KCTD8: variants seen among roughly 807,000 people sequenced by gnomAD.
The protein encoded by KCTD8 is potassium channel tetramerization domain containing 8, also known as BTB/POZ domain-containing protein KCTD8.
In KCTD8, 27 loss-of-function variants were observed where a neutral mutation model predicts 31.5. The observed-to-expected ratio is 0.86, with a 90% CI of 0.63 to 1.18. The LOEUF is 1.18. Among genes scored for constraint, KCTD8 ranks in the 50% most tolerant of loss-of-function variants. The pLI, the probability that KCTD8 is intolerant of heterozygous loss-of-function variation, is 0.00. For synonymous variants in KCTD8, 290 were observed against 280.0 expected (o/e 1.04, Z -0.36); for missense variants, 658 against 647.7 (o/e 1.02, Z -0.17).
At chr4:44,318,135 T>C (rs1718192337) in intron 1 of KCTD8, among the ~76,000 whole-genome samples, 1 of 152,234 alleles carries the variant, frequency 6.6e-6, no homozygotes, top group South Asian at 2.1e-4. Flanking sequence ...TACTATGTAG[T>C]CTGCTTTCTA....
At chr4:44,241,767 C>T (rs899537131) in intron 1 of KCTD8, among the ~76,000 whole-genome samples, 10 of 152,126 alleles carry the variant, frequency 6.6e-5, no homozygotes, top group African/African-American at 2.2e-4. Flanking sequence ...AACCAGATCC[C>T]TAGTAAAATG....
At chr4:44,411,217 T>C (rs1326166965) in intron 1 of KCTD8, among the ~76,000 whole-genome samples, 1 of 151,978 alleles carries the variant, frequency 6.6e-6, no homozygotes, top group Non-Finnish European at 1.5e-5. Flanking sequence ...TGCCCATCTC[T>C]ACAAAAAGTA....
At position 44,432,224 on chromosome 4, in the gene KCTD8, T is replaced by TA. The variant is rs971855657; in HGVS notation, c.961+15338dup. 1.3e-4 allele frequency among the ~76,000 whole-genome samples: 20 copies of TA among 151,286 alleles called. No individual in the cohort carries two copies. In the East Asian group the frequency reaches 2.1e-3, roughly 16 times the overall value. ...TAAAAAGCTGCAACTAAAAGATTTG[T>TA]AAAAAAAATTATTTATATCCAGTAT... On this transcript the variant is annotated intron_variant, in intron 1 of 1. Transcript: ENST00000360029.
intron 1 of KCTD8, among the ~76,000 whole-genome samples, chr4:44,290,423 C>G (rs1310870231): frequency 6.6e-6 from 1 of 152,004 alleles, no homozygotes; most frequent in African/African-American, 2.4e-5. Flanking sequence ...AGAAAGCTAA[C>G]AAGTTTTTGA....
intron 1 of KCTD8, among the ~76,000 whole-genome samples, chr4:44,379,707 T>C (rs554772342): frequency 6.6e-6 from 1 of 152,234 alleles, no homozygotes; most frequent in Non-Finnish European, 1.5e-5. Flanking sequence ...TTAATTTGAT[T>C]GAAACACCAT....
intron 1 of KCTD8, among the ~76,000 whole-genome samples, chr4:44,238,385 G>A (rs1441253631): frequency 3.3e-5 from 5 of 152,072 alleles, no homozygotes; most frequent in Admixed American, 6.6e-5. Context: ...GGATGGGATT[G>A]TTTGTTTAAT....
chr4:44,398,551 G>T (rs1720567585), intron 1 of KCTD8, among the ~76,000 whole-genome samples: 2 of 152,156 alleles, frequency 1.3e-5, no homozygotes, highest in Admixed American at 6.5e-5. Flanking sequence ...GATACTAGAA[G>T]GGTTTTCACT....
intron 1 of KCTD8, among the ~76,000 whole-genome samples, chr4:44,409,380 C>T (rs1720898089): frequency 6.6e-6 from 1 of 151,994 alleles, no homozygotes; most frequent in African/African-American, 2.4e-5. Context: ...ACATTTTACA[C>T]TGTATAAATC....
At chr4:44,296,370 T>G (rs1370579124) in intron 1 of KCTD8, among the ~76,000 whole-genome samples, 2 of 152,112 alleles carry the variant, frequency 1.3e-5, no homozygotes, top group East Asian at 3.9e-4. Flanking sequence ...GTAATTGGCC[T>G]TGGAAATGAC....
chr4:44,354,076 C>T (rs1719282984), intron 1 of KCTD8, among the ~76,000 whole-genome samples: 2 of 152,088 alleles, frequency 1.3e-5, no homozygotes, highest in South Asian at 4.1e-4. Flanking sequence ...ATTCTTATTA[C>T]CATACTTCTA....
At chr4:44,447,010 A>G (rs1721958506) in intron 1 of KCTD8, among the ~76,000 whole-genome samples, 1 of 152,082 alleles carries the variant, frequency 6.6e-6, no homozygotes, top group Non-Finnish European at 1.5e-5. Context: ...GGGCACCTTT[A>G]TCGCTTCTCC....
chr4:44,273,047 C>T lies in KCTD8; in HGVS notation c.962-97797G>A, dbSNP rs879402694. On this transcript the variant is annotated intron_variant, in intron 1 of 1. Coordinates refer to ENST00000360029, the MANE Select transcript of KCTD8 (RefSeq NM_198353.3). ...TTGACTTGAAGAGTTAGATAACTAA[C>T]AAGATTGGAAAATGGAAGAATAAAA... Among the ~76,000 whole-genome samples the T allele has an allele frequency of 7.9e-5, 12 of 151,822 alleles. No homozygotes were observed. The East Asian group carries it at 1.7e-3, about 22-fold the overall frequency.
At chr4:44,411,848 G>T (rs186626727) in intron 1 of KCTD8, among the ~76,000 whole-genome samples, 171 of 152,192 alleles carry the variant, frequency 1.1e-3, no homozygotes, top group African/African-American at 4.0e-3. Context: ...CTAGGAAGAG[G>T]CATGGAAGGA....
chr4:44,307,936 G>T (rs1391700767), intron 1 of KCTD8, among the ~76,000 whole-genome samples: 2 of 151,902 alleles, frequency 1.3e-5, no homozygotes, highest in Non-Finnish European at 2.9e-5. Context: ...CAAGACAGAT[G>T]AATTACAAAA....
chr4:44,219,975 A>G (rs1183310239), intron 1 of KCTD8, among the ~76,000 whole-genome samples: 1 of 152,218 alleles, frequency 6.6e-6, no homozygotes, highest in African/African-American at 2.4e-5. Context: ...TATTTCTAGT[A>G]AACAAAAACT....
chr4:44,369,576 T>G (rs1719730238), intron 1 of KCTD8, among the ~76,000 whole-genome samples: 1 of 152,120 alleles, frequency 6.6e-6, no homozygotes, highest in East Asian at 1.9e-4. Context: ...GAGGCCAAGG[T>G]GGGTGGATCA....
intron 1 of KCTD8, among the ~76,000 whole-genome samples, chr4:44,409,977 T>G (rs1473772756): frequency 6.6e-6 from 1 of 152,158 alleles, no homozygotes; most frequent in African/African-American, 2.4e-5. Flanking sequence ...TTTCAATTGC[T>G]TCAGGGGTAT....
intron 1 of KCTD8, among the ~76,000 whole-genome samples, chr4:44,441,438 A>T (rs547127598): frequency 8.0e-4 from 122 of 152,264 alleles, no homozygotes; most frequent in African/African-American, 2.7e-3. Context: ...TATTTACTAT[A>T]TTTCTATGGA....
intron 1 of KCTD8, among the ~76,000 whole-genome samples, chr4:44,413,693 T>C (rs1721009762): frequency 6.6e-6 from 1 of 152,050 alleles, no homozygotes; most frequent in African/African-American, 2.4e-5. Flanking sequence ...ACCTAGATGG[T>C]TGTAGTAGGC....
Sources: gnomAD v4.1 joint callset for allele counts (sites outside exome capture counted in the v4.1 genomes callset) on GRCh38, gnomAD v4.1.1 for gene constraint, MANE v1.5 for transcripts, NCBI Gene and HGNC (gene_info 2026-07-23, HGNC 2026-07-21) for gene names.